Variants in DCLK1 observed in about 807,000 individuals in gnomAD.
The protein encoded by DCLK1 is doublecortin like kinase 1, also known as serine/threonine-protein kinase DCLK1.
DCLK1 carries 16 observed loss-of-function variants against 86.2 expected under a neutral mutation model. That is an observed-to-expected ratio of 0.19 (90% CI 0.13 to 0.28). The LOEUF is 0.28. Ranked by LOEUF, DCLK1 falls within the 10% of genes least tolerant of loss-of-function variation. The pLI, the probability that DCLK1 is intolerant of heterozygous loss-of-function variation, is 1.00. For missense variants in DCLK1, 590 were observed against 940.2 expected (o/e 0.63, Z 4.87); for synonymous variants, 369 against 370.5 (o/e 1.00, Z 0.05).
intron 3 of DCLK1, among the ~76,000 whole-genome samples, chr13:36,076,399 A>C (rs950388108): frequency 6.6e-6 from 1 of 152,148 alleles, no homozygotes; most frequent in Non-Finnish European, 1.5e-5. Flanking sequence ...TGTTCCTGAA[A>C]ACTGCTGACC....
chr13:36,021,113 G>C (rs1167016715), intron 3 of DCLK1, among the ~76,000 whole-genome samples: 2 of 152,006 alleles, frequency 1.3e-5, no homozygotes, highest in Non-Finnish European at 2.9e-5. Context: ...TAGCACAAAA[G>C]AGGAGGAAGG....
chr13:35,972,744 A>G (rs1403254345), intron 3 of DCLK1, among the ~76,000 whole-genome samples: 1 of 152,082 alleles, frequency 6.6e-6, no homozygotes, highest in Non-Finnish European at 1.5e-5. Context: ...GGACCTTTGA[A>G]CCTAATTTGA....
chr13:35,976,464 C>G (rs187679816), intron 3 of DCLK1, among the ~76,000 whole-genome samples: 1 of 150,298 alleles, frequency 6.7e-6, no homozygotes, highest in Admixed American at 6.6e-5. Context: ...CCTGTGAACT[C>G]GAGGCAGAAT....
At chr13:35,875,767 G>C (rs1032568834) in intron 4 of DCLK1, among the ~76,000 whole-genome samples, 31 of 152,096 alleles carry the variant, frequency 2.0e-4, no homozygotes, top group Non-Finnish European at 5.9e-5. Flanking sequence ...ATATTAAAAA[G>C]CATGAAGTAG....
At chr13:36,040,602 T>G (rs1278064769) in intron 3 of DCLK1, among the ~76,000 whole-genome samples, 1 of 151,844 alleles carries the variant, frequency 6.6e-6, no homozygotes, top group Non-Finnish European at 1.5e-5. Context: ...GAAGTTAATC[T>G]TTTATTCTCC....
chr13:36,090,471 C>T (rs990295353), intron 3 of DCLK1, among the ~76,000 whole-genome samples: 1 of 152,036 alleles, frequency 6.6e-6, no homozygotes, highest in African/African-American at 2.4e-5. Context: ...GGGAAAATGG[C>T]AAGAAGTGAG....
chr13:35,849,753 G>T (rs1870470551), intron 6 of DCLK1: 1 of 985,140 alleles, frequency 1.0e-6, no homozygotes, highest in Non-Finnish European at 1.2e-6. Flanking sequence ...ATTTTTCAGA[G>T]TGGAGATTTG....
intron 3 of DCLK1, among the ~76,000 whole-genome samples, chr13:35,954,004 T>C (rs1436518189): frequency 3.9e-5 from 6 of 152,194 alleles, no homozygotes. Flanking sequence ...GAATAAACCA[T>C]CACAGAAGTA....
chr13:35,838,352 A>T (rs2153107835), intron 7 of DCLK1, among the ~76,000 whole-genome samples: 1 of 152,324 alleles, frequency 6.6e-6, no homozygotes, highest in Admixed American at 6.5e-5. Context: ...CAAGTAAGAG[A>T]AGCAGATTCC....
intron 3 of DCLK1, among the ~76,000 whole-genome samples, chr13:36,031,061 G>A (rs1434403873): frequency 6.6e-6 from 1 of 152,110 alleles, no homozygotes; most frequent in Non-Finnish European, 1.5e-5. Flanking sequence ...TCACTCCTAC[G>A]CTTTTCCCAG....
intron 3 of DCLK1, among the ~76,000 whole-genome samples, chr13:35,968,077 C>T (rs1878872849): frequency 6.6e-6 from 1 of 151,662 alleles, no homozygotes; most frequent in Admixed American, 6.6e-5. Flanking sequence ...AATTCTGACA[C>T]ATGCTACAAG....
intron 10 of DCLK1, among the ~76,000 whole-genome samples, chr13:35,826,748 T>A (rs1868502381): frequency 6.6e-6 from 1 of 152,126 alleles, no homozygotes; most frequent in Non-Finnish European, 1.5e-5. Context: ...TCGTCTTGAA[T>A]TTTTAAAAGA....
At chr13:35,793,738 T>C (rs972814690) in intron 15 of DCLK1, among the ~76,000 whole-genome samples, 1 of 152,130 alleles carries the variant, frequency 6.6e-6, no homozygotes. Flanking sequence ...AAAAAAAAAT[T>C]TCTGTTTTTG....
At chr13:35,854,056 G>A (rs933224429) in intron 6 of DCLK1, among the ~76,000 whole-genome samples, 7 of 152,134 alleles carry the variant, frequency 4.6e-5, no homozygotes, top group African/African-American at 1.4e-4. Context: ...ACGTGTCATA[G>A]GTTCCCATCC....
Position 35,772,313 on chromosome 13 carries a change from G to A in DCLK1, c.*2222C>T, listed in dbSNP as rs1262864063. 6.6e-6 allele frequency: 1 copy of A among 152,164 alleles called. No individual in the cohort carries two copies. Among genetic ancestry groups the A allele is most frequent in the Non-Finnish European group, 1.5e-5 (1 of 68,066 alleles). The allele number at this position is 152,164 out of a possible 1,614,324, so 9.4% of individuals were successfully genotyped here. A position where few individuals can be genotyped will look rare whatever the true frequency, so the allele number is the denominator to read the frequency against. On this transcript the variant is annotated 3_prime_UTR_variant, in exon 17 of 17. Coordinates refer to ENST00000360631, the MANE Select transcript of DCLK1 (RefSeq NM_001330071.2). ...CCGCAGGCTCAGTACACTAGATGCTGTAGCAATATAGTTAATGCCCACAGA... is the reference window on the plus strand; with the variant it reads ...CCGCAGGCTCAGTACACTAGATGCTATAGCAATATAGTTAATGCCCACAGA...
At position 35,846,239 on chromosome 13, in the gene DCLK1, AT is replaced by A. The variant is rs1870165357; in HGVS notation, c.1036-7064del. ...TATGTAACCTCTTTATAAAAACGTT[AT>A]CCAAATTTACAACATTCATAATATA... On this transcript the variant is annotated intron_variant, in intron 6 of 16. Transcript: ENST00000360631. 18 of 984,916 alleles carry A rather than the reference AT, an allele frequency of 1.8e-5. No homozygotes were observed. In the South Asian group the frequency reaches 6.1e-4, roughly 33 times the overall value. The allele number at this position is 984,916 out of a possible 1,614,324, so 61.0% of individuals were successfully genotyped here.
chr13:36,043,337 T>C (rs1216015843), intron 3 of DCLK1, among the ~76,000 whole-genome samples: 2 of 151,230 alleles, frequency 1.3e-5, no homozygotes, highest in African/African-American at 4.9e-5. Flanking sequence ...AAAAAAAAAC[T>C]TTATTAAAAG....
At chr13:35,774,747 TG>T in intron 16 of DCLK1, 48 bp from the exon 17 acceptor site, 1 of 1,572,960 alleles carries the variant, frequency 6.4e-7, no homozygotes, top group Non-Finnish European at 8.7e-7. Flanking sequence ...GCGAGGGAAA[TG>T]GCAAAACAAA....
chr13:36,017,762 T>C (rs542466566), intron 3 of DCLK1, among the ~76,000 whole-genome samples: 2 of 152,148 alleles, frequency 1.3e-5, no homozygotes, highest in Admixed American at 6.6e-5. Flanking sequence ...CTGTTTGCCA[T>C]ACAAAAAGCA....
Sources: allele counts gnomAD v4.1 joint callset (sites outside exome capture counted in the v4.1 genomes callset), GRCh38; gene constraint gnomAD v4.1.1; transcripts MANE v1.5; gene names NCBI Gene and HGNC (gene_info 2026-07-23, HGNC 2026-07-21).